The following KCNJ6 variants were observed in gnomAD, a reference collection of about 807,000 sequenced individuals.
KCNJ6 encodes the protein potassium inwardly rectifying channel subfamily J member 6.
Under a neutral mutation model 34.2 loss-of-function variants are expected in KCNJ6, and 9 were observed. The observed-to-expected ratio is 0.26, with a 90% CI of 0.16 to 0.46. KCNJ6 has a LOEUF of 0.46. KCNJ6 is among the 20% of genes least tolerant of loss of function. KCNJ6 has a pLI of 1.00. For missense variants in KCNJ6, 236 were observed against 531.3 expected, an observed-to-expected ratio of 0.44 and a Z score of 5.46; for synonymous variants, 196 against 207.1, an observed-to-expected ratio of 0.95 and a Z score of 0.46.
chr21:37,893,096 C>T (rs893715022), intron 1 of KCNJ6, among the ~76,000 whole-genome samples: 19 of 151,978 alleles, frequency 1.3e-4, no homozygotes, highest in Non-Finnish European at 2.2e-4. Flanking sequence ...CCTTGTGATC[C>T]GCCTGCCTTG....
rs976953687 is a variant in KCNJ6, at chr21:37,607,431, A to G, written c.*17728T>C. 10 of 148,840 alleles carry G rather than the reference A, an allele frequency of 6.7e-5. No individual in the cohort carries two copies. The highest frequency in any genetic ancestry group is 2.5e-4 in the African/African-American group (10 of 40,692). 9.2% of individuals were successfully genotyped at this position (148,840 alleles called of 1,614,324 possible). On this transcript the variant is annotated 3_prime_UTR_variant, in exon 4 of 4. Coordinates refer to ENST00000609713, the MANE Select transcript of KCNJ6 (RefSeq NM_002240.5). ...AAAAAAGAGGAACACCTCAATATGT[A>G]AACAGTTTCCCTAACACAGCGAGTT...
At chr21:37,760,759 C>T (rs1197308235) in intron 2 of KCNJ6, among the ~76,000 whole-genome samples, 4 of 152,228 alleles carry the variant, frequency 2.6e-5, no homozygotes, top group African/African-American at 9.6e-5. Context: ...CCTGGCACCT[C>T]ACCTAGGATG....
At chr21:37,840,616 C>T in intron 2 of KCNJ6, 42 bp downstream of exon 2, 2 of 1,455,646 alleles carry the variant, frequency 1.4e-6, no homozygotes, top group Non-Finnish European at 1.9e-6. Flanking sequence ...TGCATTTTCC[C>T]ATTCAAAACA....
intron 3 of KCNJ6, among the ~76,000 whole-genome samples, chr21:37,673,555 G>A (rs1296568632): frequency 6.6e-6 from 1 of 152,234 alleles, no homozygotes; most frequent in Non-Finnish European, 1.5e-5. Context: ...GCTCACTTGT[G>A]TCTGTGTTGT....
At chr21:37,701,853 T>C (rs574724034) in intron 3 of KCNJ6, among the ~76,000 whole-genome samples, 124 of 152,236 alleles carry the variant, frequency 8.1e-4, no homozygotes, top group African/African-American at 2.9e-3. Context: ...GGGGATCTTA[T>C]AGGCCAAAGA....
At chr21:37,687,425 T>G (rs1341271772) in intron 3 of KCNJ6, among the ~76,000 whole-genome samples, 3 of 152,196 alleles carry the variant, frequency 2.0e-5, no homozygotes, top group Non-Finnish European at 1.5e-5. Flanking sequence ...AAGCTTTTTC[T>G]TCATGTCTCC....
At chr21:37,789,692 T>C (rs2055208109) in intron 2 of KCNJ6, among the ~76,000 whole-genome samples, 1 of 152,168 alleles carries the variant, frequency 6.6e-6, no homozygotes. Context: ...GCTGAATCAA[T>C]ACCAATCACT....
intron 2 of KCNJ6, among the ~76,000 whole-genome samples, chr21:37,803,138 GAAAATTATGTTTTCTT>G (rs2055277500): frequency 6.6e-6 from 1 of 152,188 alleles, no homozygotes; most frequent in Non-Finnish European, 1.5e-5. Flanking sequence ...CAATGACGTT[GAAAATTATGTTTTCTT>G]CCTTAGGGCT....
chr21:37,903,853 A>G (rs953251390), intron 1 of KCNJ6, among the ~76,000 whole-genome samples: 1 of 152,186 alleles, frequency 6.6e-6, no homozygotes, highest in Non-Finnish European at 1.5e-5. Flanking sequence ...TGAGGTTATG[A>G]TTTTTCACCA....
chr21:37,698,402 G>A (rs1008754760), intron 3 of KCNJ6, among the ~76,000 whole-genome samples: 7 of 152,362 alleles, frequency 4.6e-5, no homozygotes, highest in African/African-American at 9.6e-5. Context: ...CTGGGAGTGC[G>A]GGAGGGGGGC....
intron 2 of KCNJ6, among the ~76,000 whole-genome samples, chr21:37,838,776 C>G (rs183407484): frequency 6.6e-6 from 1 of 152,294 alleles, no homozygotes; most frequent in Non-Finnish European, 1.5e-5. Flanking sequence ...TGATTTGGCT[C>G]TGTGTCCCCA....
intron 1 of KCNJ6, among the ~76,000 whole-genome samples, chr21:37,862,838 T>C (rs867645406): frequency 1.2e-4 from 19 of 152,232 alleles, no homozygotes; most frequent in Admixed American, 2.6e-4. Context: ...ATGTGTGACA[T>C]CATTTGTTGC....
intron 1 of KCNJ6, among the ~76,000 whole-genome samples, chr21:37,871,235 T>C (rs749900797): frequency 4.6e-5 from 7 of 152,114 alleles, no homozygotes; most frequent in Non-Finnish European, 1.0e-4. Flanking sequence ...GCCATGGCCA[T>C]GAAGATAGCT....
intron 2 of KCNJ6, among the ~76,000 whole-genome samples, chr21:37,783,604 C>T (rs927233130): frequency 6.6e-6 from 1 of 152,194 alleles, no homozygotes; most frequent in Non-Finnish European, 1.5e-5. Context: ...TGGACTAATA[C>T]ACCTTGCCAG....
intron 2 of KCNJ6, among the ~76,000 whole-genome samples, chr21:37,766,792 A>C (rs1363328363): frequency 6.6e-6 from 1 of 152,148 alleles, no homozygotes; most frequent in Non-Finnish European, 1.5e-5. Flanking sequence ...TGAGTGGTGG[A>C]TGAACGAGCA....
intron 3 of KCNJ6, among the ~76,000 whole-genome samples, chr21:37,699,403 A>G (rs1055366808): frequency 1.3e-5 from 2 of 152,122 alleles, no homozygotes; most frequent in Non-Finnish European, 2.9e-5. Context: ...GGGGGAAGGG[A>G]TACTTAGGGA....
intron 3 of KCNJ6, among the ~76,000 whole-genome samples, chr21:37,640,433 T>C (rs1038375213): frequency 1.6e-4 from 25 of 152,376 alleles, no homozygotes; most frequent in Non-Finnish European, 1.3e-4. Flanking sequence ...GTGAAAGTAC[T>C]CAACACATGG....
At chr21:37,898,288 C>A (rs1024903115) in intron 1 of KCNJ6, among the ~76,000 whole-genome samples, 10 of 152,160 alleles carry the variant, frequency 6.6e-5, no homozygotes, top group Admixed American at 1.3e-4. Flanking sequence ...GAGTGTCTGT[C>A]AAGGATTGTT....
chr21:37,778,772 G>A lies in KCNJ6; in HGVS notation c.25+61886C>T, dbSNP rs2055155307. Among the ~76,000 whole-genome samples, 3 of 151,440 alleles carry A rather than the reference G, an allele frequency of 2.0e-5. No individual in the cohort carries two copies. In the South Asian group the frequency reaches 6.3e-4, roughly 32 times the overall value. On this transcript the variant is annotated intron_variant, in intron 2 of 3. Coordinates refer to ENST00000609713, the MANE Select transcript of KCNJ6 (RefSeq NM_002240.5). ...TCAAGACAACATGTTCCCATCTCCTGTACCCTCCCTCCCCAGCATGTGTAC... is the reference window on the plus strand; with the variant it reads ...TCAAGACAACATGTTCCCATCTCCTATACCCTCCCTCCCCAGCATGTGTAC...
Sources: allele counts gnomAD v4.1 joint callset (sites outside exome capture counted in the v4.1 genomes callset), GRCh38; gene constraint gnomAD v4.1.1; transcripts MANE v1.5; gene names NCBI Gene and HGNC (gene_info 2026-07-23, HGNC 2026-07-21).